GOLGB1: variants seen among roughly 807,000 people sequenced by gnomAD.
GOLGB1 encodes the protein golgin B1.
Under a neutral mutation model 336.9 loss-of-function variants are expected in GOLGB1, and 174 were observed. The ratio of observed to expected loss-of-function variants is 0.52; its 90% confidence interval spans 0.46 to 0.59. The LOEUF is 0.59. Ranked by LOEUF, GOLGB1 falls within the 20% of genes least tolerant of loss-of-function variation. The pLI, the probability that GOLGB1 is intolerant of heterozygous loss-of-function variation, is 0.00. For synonymous variants in GOLGB1, 1,208 were observed against 1,289.2 expected (o/e 0.94, Z 1.35); for missense variants, 3,331 against 3,645.3 (o/e 0.91, Z 2.22).
rs545702171 is a variant in GOLGB1, at chr3:121,722,264, G to T, written c.646C>A (p.Gln216Lys). Residue 216 changes from glutamine to lysine, a missense_variant and splice_region_variant, in exon 6 of 22, where the codon CAG (glutamine) becomes AAG (lysine). By Grantham distance (53) the Gln-to-Lys change is moderately conservative. Transcript: ENST00000614479. ...TCCTAATTTTGTGAGGTCCCTACCT[G>T]TGCAGCTTGCTCTGCCTGTGTCTGG... Reference protein sequence around the residue: ...LSQTQAEQAAQLSSMQQVVRE... With the variant: ...LSQTQAEQAAKLSSMQQVVRE... 1,110 of 1,572,998 alleles carry T rather than the reference G, an allele frequency of 7.1e-4. 14 individuals are homozygous for T. In the South Asian group the frequency reaches 0.012, roughly 16 times the overall value.
intron 10 of GOLGB1, among the ~76,000 whole-genome samples, chr3:121,703,951 A>C (rs534957857): frequency 4.1e-4 from 62 of 152,264 alleles, no homozygotes; most frequent in Admixed American, 1.6e-3. Flanking sequence ...AACAAACAAA[A>C]AAAAATAATG....
At chr3:121,667,438 A>T in intron 20 of GOLGB1, 38 bp downstream of exon 20, 3 of 1,596,920 alleles carry the variant, frequency 1.9e-6, no homozygotes, top group Non-Finnish European at 2.6e-6. Context: ...ATCAGAAAGG[A>T]TCGGAAGGGA....
intron 14 of GOLGB1, among the ~76,000 whole-genome samples, chr3:121,682,559 G>C (rs1277210212): frequency 6.6e-6 from 1 of 152,176 alleles, no homozygotes; most frequent in African/African-American, 2.4e-5. Flanking sequence ...GATGATGACA[G>C]ACTTGCCTTT....
chr3:121,727,124 CA>C, intron 4 of GOLGB1, 83 bp from the exon 5 acceptor site: 1 of 754,390 alleles, frequency 1.3e-6, no homozygotes, highest in Non-Finnish European at 1.9e-6. Context: ...TTTTCATTTA[CA>C]ACCATTTAGT....
At chr3:121,669,930 C>T (rs1939244476) in intron 17 of GOLGB1, among the ~76,000 whole-genome samples, 1 of 152,110 alleles carries the variant, frequency 6.6e-6, no homozygotes, top group African/African-American at 2.4e-5. Context: ...CTGTTGAGAG[C>T]ATAGATTCTC....
In GOLGB1 at chr3:121,737,154, C is replaced by T. The variant is rs188386173; in HGVS notation, c.-2-6181G>A. ...AGTTGTATGTAAATCTAAGGTTATT[C>T]CAAAATCAATTTACTTTTATAACCA... On this transcript the variant is annotated intron_variant, in intron 1 of 21. Transcript: ENST00000614479. Among the ~76,000 whole-genome samples the T allele has an allele frequency of 1.1e-3, 160 of 152,172 alleles. 1 individual carries two copies. Among genetic ancestry groups the T allele is most frequent in the African/African-American group, 3.8e-3 (156 of 41,512 alleles).
intron 14 of GOLGB1, among the ~76,000 whole-genome samples, chr3:121,684,982 G>A (rs1164166325): frequency 6.6e-6 from 1 of 152,116 alleles, no homozygotes; most frequent in Non-Finnish European, 1.5e-5. Flanking sequence ...GAAATTGATG[G>A]GAATAAACAT....
chr3:121,733,813 CT>C, intron 1 of GOLGB1, among the ~76,000 whole-genome samples: 1 of 152,268 alleles, frequency 6.6e-6, no homozygotes, highest in South Asian at 2.1e-4. Flanking sequence ...AAAGGACAAT[CT>C]TTTCAATAAA....
chr3:121,688,412 T>C (rs1204083034), intron 14 of GOLGB1, among the ~76,000 whole-genome samples: 2 of 152,270 alleles, frequency 1.3e-5, no homozygotes, highest in Non-Finnish European at 2.9e-5. Flanking sequence ...GGTCTCCAGC[T>C]CCTAACCGCG....
intron 8 of GOLGB1, among the ~76,000 whole-genome samples, chr3:121,717,834 A>AT (rs1327044745): frequency 3.9e-5 from 6 of 152,152 alleles, no homozygotes; most frequent in East Asian, 1.9e-4. Flanking sequence ...TTAGTTTTCC[A>AT]TTTTTTTCAG....
At chr3:121,748,828 C>A (rs1230230250) in intron 1 of GOLGB1, 1 of 983,520 alleles carries the variant, frequency 1.0e-6, no homozygotes, top group Non-Finnish European at 1.2e-6. Context: ...ACTGTCCGCT[C>A]CCCATAGACC....
At chr3:121,675,956 TG>T (rs1441163974) in intron 17 of GOLGB1, among the ~76,000 whole-genome samples, 1 of 152,040 alleles carries the variant, frequency 6.6e-6, no homozygotes, top group Non-Finnish European at 1.5e-5. Context: ...CTGTAAAGGG[TG>T]GAACTTCCGG....
Position 121,683,172 on chromosome 3 carries a change from G to A in GOLGB1, c.8695-1307C>T, listed in dbSNP as rs189789409. 3.6e-4 allele frequency among the ~76,000 whole-genome samples: 53 copies of A among 148,446 alleles called. 1 individual carries two copies. The highest frequency in any genetic ancestry group is 1.3e-3 in the African/African-American group (53 of 40,296). ...CCACCTTGGCCTCCCGAAGTGCTGG[G>A]ATTACAGGCGTGAGCCACTGCGCCC... On this transcript the variant is annotated intron_variant, in intron 14 of 21. Transcript: ENST00000614479.
chr3:121,747,394 T>C (rs1229021558), intron 1 of GOLGB1, among the ~76,000 whole-genome samples: 1 of 145,692 alleles, frequency 6.9e-6, no homozygotes. Context: ...CGTATATATA[T>C]ACATATATAC....
At chr3:121,746,727 G>A (rs969188754) in intron 1 of GOLGB1, among the ~76,000 whole-genome samples, 1 of 152,042 alleles carries the variant, frequency 6.6e-6, no homozygotes, top group African/African-American at 2.4e-5. Flanking sequence ...TGATCCACTC[G>A]CCTTGGCCTC....
chr3:121,666,956 A>G (rs1938711154), intron 20 of GOLGB1, among the ~76,000 whole-genome samples: 1 of 152,240 alleles, frequency 6.6e-6, no homozygotes, highest in Admixed American at 6.5e-5. Flanking sequence ...GTTTGGCAAG[A>G]GCAGGATTTT....
intron 2 of GOLGB1, 111 bp downstream of exon 2, chr3:121,730,765 G>C: frequency 1.0e-6 from 1 of 986,344 alleles, no homozygotes; most frequent in East Asian, 2.9e-5. Context: ...CTTAATCCTC[G>C]CTTCACCTAG....
At chr3:121,683,664 G>C (rs1941362071) in intron 14 of GOLGB1, among the ~76,000 whole-genome samples, 1 of 152,098 alleles carries the variant, frequency 6.6e-6, no homozygotes, top group Non-Finnish European at 1.5e-5. Context: ...AAACCAACTA[G>C]AGAAGGTAAT....
Position 121,698,296 on chromosome 3 carries a change from C to G in GOLGB1, c.2227G>C (p.Ala743Pro). 1.9e-6 allele frequency: 3 copies of G among 1,613,950 alleles called. No homozygotes were observed. The highest frequency in any genetic ancestry group is 2.5e-6 in the Non-Finnish European group (3 of 1,179,878). The change falls in exon 13 of 22, where the codon GCA becomes CCA. Residue 743 changes from alanine to proline, a missense_variant. Coordinates refer to ENST00000614479, the MANE Select transcript of GOLGB1 (RefSeq NM_001366282.2). ...CTTTCTTCAGACAAAGCAGTGAATG[C>G]ACTGCTGTTGTTGTCAGCATTTTTC... ...FKKNADNNSS[A>P]FTALSEERDQ...
Sources: gnomAD v4.1 joint callset for allele counts (sites outside exome capture counted in the v4.1 genomes callset) on GRCh38, gnomAD v4.1.1 for gene constraint, MANE v1.5 for transcripts, NCBI Gene and HGNC (gene_info 2026-07-23, HGNC 2026-07-21) for gene names.